Variants in COL4A1 observed in about 807,000 individuals in gnomAD.
The protein encoded by COL4A1 is collagen alpha-1(IV) chain.
COL4A1 carries 40 observed loss-of-function variants against 216.6 expected under a neutral mutation model. The ratio of observed to expected loss-of-function variants is 0.18; its 90% confidence interval spans 0.14 to 0.24. The LOEUF (loss-of-function observed/expected upper bound fraction) is 0.24. Ranked by LOEUF, COL4A1 falls within the 10% of genes least tolerant of loss-of-function variation. COL4A1 has a pLI of 1.00. For missense variants in COL4A1, 1,628 were observed against 2,196.8 expected (o/e 0.74, Z 5.18); for synonymous variants, 839 against 810.7 (o/e 1.03, Z -0.59).
chr13:110,234,577 A>G (rs1482465944), intron 2 of COL4A1, among the ~76,000 whole-genome samples: 1 of 152,096 alleles, frequency 6.6e-6, no homozygotes, highest in South Asian at 2.1e-4. Context: ...GTGAGACTCC[A>G]TCTCAAAAAA....
At chr13:110,159,578 G>A (rs750626163) in intron 49 of COL4A1, among the ~76,000 whole-genome samples, 8 of 152,180 alleles carry the variant, frequency 5.3e-5, no homozygotes, top group African/African-American at 1.4e-4. Flanking sequence ...ATTACCACAT[G>A]ATCCCACAAT....
At chr13:110,294,270 C>G (rs1428314933) in intron 1 of COL4A1, among the ~76,000 whole-genome samples, 1 of 152,226 alleles carries the variant, frequency 6.6e-6, no homozygotes, top group East Asian at 1.9e-4. Flanking sequence ...CCAGCCCCTT[C>G]ACACAGGGTC....
At chr13:110,252,690 A>T (rs1237450817) in intron 1 of COL4A1, among the ~76,000 whole-genome samples, 2 of 142,854 alleles carry the variant, frequency 1.4e-5, no homozygotes, top group African/African-American at 5.1e-5. Flanking sequence ...GTATATATAC[A>T]TATAATTATA....
intron 6 of COL4A1, 85 bp from the exon 7 acceptor site, chr13:110,212,007 C>T: frequency 1.5e-6 from 2 of 1,323,896 alleles, no homozygotes; most frequent in Non-Finnish European, 2.2e-6. Flanking sequence ...CTCTGCCCTA[C>T]CCTTCATTTG....
chr13:110,176,757 G>T (rs369077300), intron 34 of COL4A1, 33 bp from the exon 35 acceptor site: 4 of 1,612,830 alleles, frequency 2.5e-6, no homozygotes, highest in Non-Finnish European at 3.4e-6. Flanking sequence ...GCAATGACCC[G>T]CATTTGCTTG....
intron 50 of COL4A1, among the ~76,000 whole-genome samples, chr13:110,152,754 A>G (rs889391618): frequency 1.3e-5 from 2 of 152,210 alleles, no homozygotes; most frequent in African/African-American, 4.8e-5. Context: ...CTTCCCAAAT[A>G]GGTGACCAGC....
chr13:110,235,567 CGTG>C (rs1881277831), intron 2 of COL4A1, among the ~76,000 whole-genome samples: 1 of 150,248 alleles, frequency 6.7e-6, no homozygotes, highest in African/African-American at 2.4e-5. Flanking sequence ...AGGAGAATGG[CGTG>C]AACCAGTGAA....
intron 24 of COL4A1, 75 bp from the exon 25 acceptor site, chr13:110,187,404 A>C: frequency 3.2e-6 from 5 of 1,554,616 alleles, no homozygotes; most frequent in Non-Finnish European, 4.4e-6. Context: ...AACACAAGCA[A>C]CCATAGAATC....
chr13:110,261,085 A>G (rs1164967402), intron 1 of COL4A1, among the ~76,000 whole-genome samples: 1 of 147,610 alleles, frequency 6.8e-6, no homozygotes, highest in Non-Finnish European at 1.5e-5. Context: ...TGTTATGTGT[A>G]TTTTACCACA....
chr13:110,285,528 G>A (rs919868219), intron 1 of COL4A1, among the ~76,000 whole-genome samples: 2 of 152,166 alleles, frequency 1.3e-5, no homozygotes, highest in Admixed American at 1.3e-4. Context: ...CTGGGCCATG[G>A]GATGCCCAGA....
chr13:110,201,648 C>T, intron 18 of COL4A1, 126 bp from the exon 19 acceptor site: 3 of 891,782 alleles, frequency 3.4e-6, no homozygotes, highest in Non-Finnish European at 5.6e-6. Flanking sequence ...AGTGAAGTAG[C>T]AGCAATGGTA....
intron 8 of COL4A1, among the ~76,000 whole-genome samples, 159 bp from the exon 9 acceptor site, chr13:110,210,371 C>G (rs1165932883): frequency 1.3e-5 from 2 of 152,180 alleles, no homozygotes; most frequent in Non-Finnish European, 2.9e-5. Flanking sequence ...CTGGCCATCT[C>G]TCCCATCATG....
chr13:110,259,523 A>T lies in COL4A1; in HGVS notation c.85-16789T>A, dbSNP rs150481361. Among the ~76,000 whole-genome samples the T allele has an allele frequency of 2.6e-3, 397 of 152,284 alleles. 7 individuals carry two copies. The highest frequency in any genetic ancestry group is 3.4e-3 in the Non-Finnish European group (232 of 68,022). ...TTGTCCATCTTTCCTCTTCTGTTGC[A>T]CTCTGCTGACTAGACAGGAAACTGG... is the stretch of plus-strand genomic sequence containing the variant. On this transcript the variant is annotated intron_variant, in intron 1 of 51. Transcript: ENST00000375820.
At chr13:110,256,101 T>C (rs554846012) in intron 1 of COL4A1, among the ~76,000 whole-genome samples, 3 of 151,422 alleles carry the variant, frequency 2.0e-5, no homozygotes, top group Non-Finnish European at 4.4e-5. Flanking sequence ...TATTAAATCA[T>C]ACCTAACTGT....
At chr13:110,200,756 T>G in intron 20 of COL4A1, 98 bp downstream of exon 20, 3 of 1,281,830 alleles carry the variant, frequency 2.3e-6, no homozygotes, top group Non-Finnish European at 3.4e-6. Flanking sequence ...ACCGATTGTG[T>G]GCAAATATCT....
rs557620551 is a variant in COL4A1, at chr13:110,215,690, G to A, written c.145-1675C>T. Among the ~76,000 whole-genome samples the A allele has an allele frequency of 2.0e-5, 3 of 152,258 alleles. No individual in the cohort carries two copies. In the East Asian group the frequency reaches 5.8e-4, roughly 29 times the overall value. On this transcript the variant is annotated intron_variant, in intron 2 of 51. Transcript: ENST00000375820. The stretch of plus-strand genomic sequence containing the variant: ...GTAGATTCAGTAACCATTGTTAGCT[G>A]ATTTAAAAACATAAGGCAGACAGTT...
rs1210149468 is a variant in COL4A1, at chr13:110,219,688, A to ATGTGTATATATATGTATATATATG, written c.145-5674_145-5673insCATATATATACATATATATACACA. Among the ~76,000 whole-genome samples the ATGTGTATATATATGTATATATATG allele has an allele frequency of 9.6e-5, 11 of 114,038 alleles. No homozygotes were observed. In the East Asian group the frequency reaches 2.5e-3, roughly 25 times the overall value. 74.8% of individuals were successfully genotyped at this position (114,038 alleles called of 152,430 possible). On this transcript the variant is annotated intron_variant, in intron 2 of 51. Coordinates refer to ENST00000375820, the MANE Select transcript of COL4A1 (RefSeq NM_001845.6). ...TATATATATATATATGTGTATATAT[A>ATGTGTATATATATGTATATATATG]TGTATATATATGTATATACATATGT...
intron 1 of COL4A1, among the ~76,000 whole-genome samples, chr13:110,249,441 C>T (rs1428778498): frequency 2.0e-5 from 3 of 152,106 alleles, no homozygotes; most frequent in South Asian, 2.1e-4. Context: ...GGTATATTCA[C>T]GGAAGGGAGT....
intron 39 of COL4A1, among the ~76,000 whole-genome samples, chr13:110,174,220 G>C (rs546651077): frequency 1.3e-5 from 2 of 152,158 alleles, no homozygotes; most frequent in Middle Eastern, 3.2e-3. Context: ...AAAACTCCAT[G>C]ATGGCCACAA....
Sources: gnomAD v4.1 joint callset for allele counts (sites outside exome capture counted in the v4.1 genomes callset) on GRCh38, gnomAD v4.1.1 for gene constraint, MANE v1.5 for transcripts, NCBI Gene and HGNC (gene_info 2026-07-23, HGNC 2026-07-21) for gene names.